Variants in CELA2B observed in about 807,000 individuals in gnomAD.
The protein encoded by CELA2B is chymotrypsin-like elastase family member 2B.
A neutral mutation model predicts 36.5 loss-of-function variants in CELA2B; 27 were observed. That is an observed-to-expected ratio of 0.74 (90% CI 0.55 to 1.02). The LOEUF (loss-of-function observed/expected upper bound fraction) is 1.02. Among genes scored for constraint, CELA2B ranks in the 50% least tolerant of loss-of-function variants. The pLI, the probability that CELA2B is intolerant of heterozygous loss-of-function variation, is 0.00. For synonymous variants in CELA2B, 143 were observed against 148.5 expected, an observed-to-expected ratio of 0.96 and a Z score of 0.27; for missense variants, 340 against 347.8, an observed-to-expected ratio of 0.98 and a Z score of 0.18.
intron 2 of CELA2B, among the ~76,000 whole-genome samples, chr1:15,478,731 AT>A (rs1351122287): frequency 2.0e-5 from 3 of 148,462 alleles, no homozygotes; most frequent in Non-Finnish European, 3.0e-5. Flanking sequence ...ACACCAGCAA[AT>A]TTTTTTTGTA....
Position 15,487,406 on chromosome 1 carries a change from G to T in CELA2B, c.761G>T (p.Arg254Leu). The T allele has an allele frequency of 1.2e-6, 2 of 1,614,222 alleles. No homozygotes were observed. Among genetic ancestry groups the T allele is most frequent in the Non-Finnish European group, 1.7e-6 (2 of 1,180,046 alleles). ...TACTACAAGCCCTCCATCTTCACGC[G>T]GGTCTCCAACTACAACGACTGGATC... is the stretch of plus-strand genomic sequence containing the variant. ...NYYYKPSIFT[R>L]VSNYNDWINS... The change falls in exon 7 of 8, where the codon CGG becomes CTG. Residue 254 changes from arginine to leucine, a missense_variant. Transcript: ENST00000375910.
At position 15,481,027 on chromosome 1, in the gene CELA2B, T is replaced by C. The variant is rs554640564; in HGVS notation, c.130-71T>C. On this transcript the variant is annotated intron_variant, in intron 2 of 7. Transcript: ENST00000375910. Reference sequence around the variant, plus strand: ...CCCCCTTACCCTTGTCCCAGCCCCGTTCTTGGGAAACTGGAGTGCAGGGAG... The same window carrying C: ...CCCCCTTACCCTTGTCCCAGCCCCGCTCTTGGGAAACTGGAGTGCAGGGAG... 6 of 1,572,820 alleles carry C rather than the reference T, an allele frequency of 3.8e-6. No individual in the cohort carries two copies. In the East Asian group the frequency reaches 6.7e-5, roughly 18 times the overall value.
intron 6 of CELA2B, among the ~76,000 whole-genome samples, chr1:15,486,887 T>C (rs541025963): frequency 1.9e-4 from 29 of 152,288 alleles, no homozygotes; most frequent in South Asian, 1.0e-3. Context: ...ATAGACCACC[T>C]GCGGGAAGAC....
intron 5 of CELA2B, among the ~76,000 whole-genome samples, chr1:15,485,535 A>G (rs1708793409): frequency 6.6e-6 from 1 of 152,230 alleles, no homozygotes; most frequent in Admixed American, 6.5e-5. Flanking sequence ...CTCAGGAAAC[A>G]CTCACTGAGA....
chr1:15,483,163 G>C (rs1464592422), intron 4 of CELA2B, 101 bp from the exon 5 acceptor site: 4 of 1,549,820 alleles, frequency 2.6e-6, no homozygotes, highest in Non-Finnish European at 3.5e-6. Context: ...GCAACCTGGG[G>C]TAACGTACAG....
At chr1:15,486,722 T>C (rs1384351958) in intron 6 of CELA2B, among the ~76,000 whole-genome samples, 1 of 152,186 alleles carries the variant, frequency 6.6e-6, no homozygotes, top group African/African-American at 2.4e-5. Context: ...GCGCAGTGTG[T>C]CCCCTCCAGG....
intron 7 of CELA2B, among the ~76,000 whole-genome samples, chr1:15,489,536 C>T (rs986382030): frequency 2.9e-4 from 44 of 152,136 alleles, no homozygotes; most frequent in African/African-American, 1.0e-3. Context: ...GTGTGTGCAG[C>T]CTGGAGTCAC....
intron 2 of CELA2B, 29 bp from the exon 3 acceptor site, chr1:15,481,069 C>G: frequency 1.9e-6 from 3 of 1,609,718 alleles, no homozygotes; most frequent in Non-Finnish European, 2.5e-6. Context: ...CTTTTTCAGC[C>G]ACAGCCACAG....
intron 5 of CELA2B, among the ~76,000 whole-genome samples, chr1:15,483,858 G>A (rs1708773183): frequency 6.6e-6 from 1 of 151,928 alleles, no homozygotes; most frequent in Non-Finnish European, 1.5e-5. Flanking sequence ...CAATCTAGGA[G>A]GCGGAGGTTG....
intron 1 of CELA2B, 36 bp from the exon 2 acceptor site, chr1:15,476,421 T>C (rs1214774350): frequency 6.2e-7 from 1 of 1,602,006 alleles, no homozygotes; most frequent in Non-Finnish European, 8.6e-7. Flanking sequence ...TGTGGGTCGC[T>C]GCTTCCTGGA....
chr1:15,491,257 C>G (rs760036758), intron 7 of CELA2B, 38 bp from the exon 8 acceptor site: 20 of 1,613,748 alleles, frequency 1.2e-5, no homozygotes, highest in African/African-American at 1.1e-4. Flanking sequence ...TCTGTGGTTA[C>G]GTGAACCTGA....
intron 7 of CELA2B, among the ~76,000 whole-genome samples, chr1:15,488,292 T>G (rs1365472502): frequency 6.6e-6 from 1 of 151,784 alleles, no homozygotes; most frequent in Non-Finnish European, 1.5e-5. Flanking sequence ...GAGGCTGAGG[T>G]GGAAGGATCG....
rs781188736 is a variant in CELA2B, at chr1:15,482,346, T to A, written c.309T>A (p.Ser103=). Residue 103 remains serine (S), a synonymous_variant, in exon 4 of 8, where the codon TCT becomes TCA. Coordinates refer to ENST00000375910, the MANE Select transcript of CELA2B (RefSeq NM_015849.3). ...AESGSLAVSV[S]KIVVHKDWNS... ...CCGGCTCGCTGGCCGTCAGTGTCTC[T>A]AAGATTGTGGTGCACAAGGACTGGA... 1 of 1,614,034 alleles carries A rather than the reference T, an allele frequency of 6.2e-7. No individual in the cohort carries two copies.
chr1:15,487,705 T>C (rs1708823035), intron 7 of CELA2B, among the ~76,000 whole-genome samples: 1 of 152,208 alleles, frequency 6.6e-6, no homozygotes, highest in Admixed American at 6.5e-5. Context: ...AAGAGTGAGT[T>C]CCACAGGAAT....
chr1:15,487,145 C>A, intron 6 of CELA2B, 140 bp from the exon 7 acceptor site: 1 of 732,648 alleles, frequency 1.4e-6, no homozygotes, highest in South Asian at 1.7e-5. Flanking sequence ...ATTATGGTAC[C>A]ACCTTGAGCT....
chr1:15,477,614 T>C (rs371982648), intron 2 of CELA2B, among the ~76,000 whole-genome samples: 12 of 152,202 alleles, frequency 7.9e-5, no homozygotes, highest in African/African-American at 2.4e-4. Flanking sequence ...AGCAATAACT[T>C]TGAGATATTC....
chr1:15,478,374 G>C (rs986014073), intron 2 of CELA2B, among the ~76,000 whole-genome samples: 13 of 150,562 alleles, frequency 8.6e-5, no homozygotes, highest in African/African-American at 3.2e-4. Context: ...CTCTGTAGTA[G>C]CTGGGATTAC....
intron 3 of CELA2B, among the ~76,000 whole-genome samples, chr1:15,481,957 G>A (rs1303155729): frequency 1.3e-5 from 2 of 152,116 alleles, no homozygotes; most frequent in Non-Finnish European, 2.9e-5. Flanking sequence ...AAATTTCCTT[G>A]AGGGCAAATG....
chr1:15,483,478 C>T lies in CELA2B; in HGVS notation c.493+78C>T, dbSNP rs1708768343. On this transcript the variant is annotated intron_variant, in intron 5 of 7. Coordinates refer to ENST00000375910, the MANE Select transcript of CELA2B (RefSeq NM_015849.3). ...CCCCTGTCCGGCCAGGGCCTCTCAC[C>T]TCACATGTTATCCTGGGCATGTGGC... The T allele has an allele frequency of 4.4e-6, 7 of 1,600,330 alleles. No homozygotes were observed. The East Asian group carries it at 1.1e-4, about 26-fold the overall frequency.
Sources: gnomAD v4.1 joint callset for allele counts (sites outside exome capture counted in the v4.1 genomes callset) on GRCh38, gnomAD v4.1.1 for gene constraint, MANE v1.5 for transcripts, NCBI Gene and HGNC (gene_info 2026-07-23, HGNC 2026-07-21) for gene names.